Variants in SLC33A2 observed in about 807,000 individuals in gnomAD.
SLC33A2 encodes solute carrier family 33 member 2, also known as major facilitator superfamily domain containing 3.
At chr8:144,510,677 C>T in the SLC33A2 span, 6 of 1,560,344 alleles carry the variant, frequency 3.8e-6, no homozygotes, top group South Asian at 7.2e-5. Context: ...GGTCTTCCAC[C>T]TGGACACCCT....
At chr8:144,509,751 G>A in the SLC33A2 span, 2 of 1,566,062 alleles carry the variant, frequency 1.3e-6, no homozygotes, top group African/African-American at 1.4e-5. Context: ...TACCGTGCAG[G>A]TGGTCGCGTA....
chr8:144,511,099 C>T, the SLC33A2 span: 8 of 1,609,898 alleles, frequency 5.0e-6, no homozygotes, highest in Non-Finnish European at 6.8e-6. Context: ...CTGCTTCTTG[C>T]TCCTGCTCAT....
chr8:144,509,734 C>T, the SLC33A2 span: 1 of 1,567,812 alleles, frequency 6.4e-7, no homozygotes, highest in Non-Finnish European at 8.6e-7. Flanking sequence ...GAACTGGGGC[C>T]GGGCAATACC....
the SLC33A2 span, chr8:144,510,312 G>T: frequency 3.1e-6 from 5 of 1,604,102 alleles, no homozygotes; most frequent in Non-Finnish European, 2.5e-6. Context: ...AAGGGAGGTG[G>T]GGGCAGATAT....
the SLC33A2 span, chr8:144,509,432 C>T: frequency 2.6e-5 from 40 of 1,532,352 alleles, no homozygotes; most frequent in Non-Finnish European, 3.3e-5. Context: ...TGCGTGCCGG[C>T]GGCCTCTCGC....
the SLC33A2 span, chr8:144,510,062 C>G: frequency 1.3e-6 from 2 of 1,558,478 alleles, no homozygotes; most frequent in Non-Finnish European, 1.7e-6. Flanking sequence ...GCTTCCGGGA[C>G]AGCTCCAGGT....
the SLC33A2 span, chr8:144,510,604 G>A: frequency 6.3e-7 from 1 of 1,583,590 alleles, no homozygotes; most frequent in Non-Finnish European, 8.6e-7. Context: ...CCAGGAAACT[G>A]CTGCCTCTGT....
the SLC33A2 span, chr8:144,510,286 G>A: frequency 1.3e-6 from 2 of 1,586,686 alleles, no homozygotes; most frequent in Non-Finnish European, 1.7e-6. Context: ...GCAGGACTGA[G>A]GGCCCAGGTG....
chr8:144,509,727 C>T, the SLC33A2 span: 1 of 1,568,634 alleles, frequency 6.4e-7, no homozygotes, highest in Non-Finnish European at 8.6e-7. Flanking sequence ...GCCGGCCGAA[C>T]TGGGGCCGGG....
chr8:144,510,703 C>G, the SLC33A2 span: 1 of 1,574,374 alleles, frequency 6.4e-7, no homozygotes, highest in African/African-American at 1.4e-5. Flanking sequence ...CCAGCATGGA[C>G]GCTGGCACAA....
the SLC33A2 span, chr8:144,510,525 T>C: frequency 6.2e-7 from 1 of 1,612,224 alleles, no homozygotes; most frequent in South Asian, 1.1e-5. Context: ...CTCCCCAGTG[T>C]ACCCTGCCCA....
At chr8:144,510,718 G>T in the SLC33A2 span, 1 of 1,588,978 alleles carries the variant, frequency 6.3e-7, no homozygotes, top group Non-Finnish European at 8.6e-7. Flanking sequence ...GCACAATCTT[G>T]AGAGGTGAGG....
chr8:144,510,963 C>T, the SLC33A2 span: 1 of 1,599,450 alleles, frequency 6.3e-7, no homozygotes, highest in Non-Finnish European at 8.5e-7. Flanking sequence ...GTGGGCCTGA[C>T]CTTGACCGTG....
At chr8:144,509,737 G>A in the SLC33A2 span, 12 of 1,567,172 alleles carry the variant, frequency 7.7e-6, no homozygotes, top group Admixed American at 3.7e-5. Context: ...CTGGGGCCGG[G>A]CAATACCGTG....
At chr8:144,510,189 C>T in the SLC33A2 span, 1 of 1,281,282 alleles carries the variant, frequency 7.8e-7, no homozygotes, top group South Asian at 1.4e-5. Flanking sequence ...TGTCCGCCCC[C>T]AGCTCTAGCC....
chr8:144,510,475 C>T, the SLC33A2 span: 1 of 1,612,718 alleles, frequency 6.2e-7, no homozygotes, highest in South Asian at 1.1e-5. Context: ...TCGCTGGCTC[C>T]TCCCTGGGTG....
At chr8:144,511,176 G>T in the SLC33A2 span, 1 of 1,606,114 alleles carries the variant, frequency 6.2e-7, no homozygotes, top group Non-Finnish European at 8.5e-7. Flanking sequence ...CTGAGTGGCT[G>T]GAGTGGTCAA....
At chr8:144,509,252 TGACCCCACGCGGAGGG>T in the SLC33A2 span, 1 of 1,359,488 alleles carries the variant, frequency 7.4e-7, no homozygotes, top group East Asian at 2.7e-5. Flanking sequence ...GTGTGGCCTC[TGACCCCACGCGGAGGG>T]GACCTCGCCT....
the SLC33A2 span, chr8:144,509,832 T>C: frequency 1.4e-5 from 21 of 1,538,304 alleles, no homozygotes; most frequent in East Asian, 4.4e-4. Flanking sequence ...GCCGCAACTC[T>C]TTCTGCTCCT....
Sources: gnomAD v4.1 joint callset for allele counts on GRCh38, gnomAD v4.1.1 for gene constraint, MANE v1.5 for transcripts, NCBI Gene and HGNC (gene_info 2026-07-23, HGNC 2026-07-21) for gene names.